Variants in MCF2L observed in about 807,000 individuals in gnomAD.
The protein encoded by MCF2L is MCF.2 cell line derived transforming sequence like, also known as guanine nucleotide exchange factor DBS.
A neutral mutation model predicts 153.4 loss-of-function variants in MCF2L; 97 were observed. The observed-to-expected ratio is 0.63, with a 90% confidence interval of 0.54 to 0.75. The LOEUF (loss-of-function observed/expected upper bound fraction) is 0.75, where lower values mean the gene tolerates loss of function less well. MCF2L is among the 30% of genes least tolerant of loss of function. The probability of loss-of-function intolerance (pLI) is 0.00; values close to 1 mark genes in which losing one functional copy is unlikely to be tolerated. For synonymous variants in MCF2L, 659 were observed against 632.2 expected (o/e 1.04, Z -0.64); for missense variants, 1,347 against 1,495.2 (o/e 0.90, Z 1.64).
intron 12 of MCF2L, 106 bp from the exon 13 acceptor site, chr13:113,076,946 T>C (rs1454120644): frequency 8.0e-7 from 1 of 1,247,674 alleles, no homozygotes; most frequent in Non-Finnish European, 1.1e-6. Flanking sequence ...ATGGAGAACA[T>C]TTAAAGCGGG....
chr13:113,091,243 G>A (rs528434873), intron 26 of MCF2L: 1 of 1,300,502 alleles, frequency 7.7e-7, no homozygotes, highest in Admixed American at 2.3e-5. Context: ...TTGGCAGGAA[G>A]CGCGGCCCAG....
At chr13:112,968,654 A>G (rs2081940562), upstream of MCF2L, 1 of 1,520,628 alleles carries the variant, frequency 6.6e-7, no homozygotes. Flanking sequence ...GCCACACGGA[A>G]GGGGCGCGCT....
intron 1 of MCF2L, chr13:112,985,558 A>G (rs3011542): frequency 0.93 from 412,951 of 443,794 alleles, 193,198 homozygotes; most frequent in Non-Finnish European, 0.98. Flanking sequence ...GTGAGGCAGC[A>G]TGGAGGTGCC....
chr13:113,036,652 C>T (rs1479435188), intron 3 of MCF2L, among the ~76,000 whole-genome samples: 1 of 152,250 alleles, frequency 6.6e-6, no homozygotes, highest in African/African-American at 2.4e-5. Context: ...GTGCGTGTGT[C>T]GCAGGCGACC....
rs1007726331 is a variant in MCF2L at position 113,098,320 on chromosome 13, T to C, written c.*1461T>C. The C allele has an allele frequency of 6.6e-6, 1 of 152,572 alleles. No homozygotes were observed. Among genetic ancestry groups the C allele is most frequent in the Admixed American group, 6.5e-5 (1 of 15,288 alleles). The allele number at this position is 152,572 out of a possible 1,614,324, so 9.5% of individuals were successfully genotyped here. ...AGCTTTTCCTCTGATGTGTAAGTTA[T>C]TTGGAACGCGTGCTGTGTCCCGCGA... On this transcript the variant is annotated 3_prime_UTR_variant, in exon 30 of 30. Transcript: ENST00000535094.
intron 1 of MCF2L, among the ~76,000 whole-genome samples, chr13:112,980,234 G>A (rs549215894): frequency 6.6e-6 from 1 of 152,384 alleles, no homozygotes; most frequent in East Asian, 1.9e-4. Context: ...TCGGCCTGAT[G>A]GAACAGCCTA....
At chr13:113,006,340 G>C (rs772424983) in intron 1 of MCF2L, among the ~76,000 whole-genome samples, 15 of 152,208 alleles carry the variant, frequency 9.9e-5, no homozygotes, top group Non-Finnish European at 1.6e-4. Context: ...AAACAAGGAT[G>C]ATGAGGCTTC....
intron 1 of MCF2L, among the ~76,000 whole-genome samples, chr13:112,979,108 C>T (rs978455837): frequency 3.3e-5 from 5 of 152,258 alleles, no homozygotes; most frequent in Non-Finnish European, 5.9e-5. Context: ...TCGAGGAGCT[C>T]GGCAGCAGAC....
At chr13:113,041,985 T>C (rs1368752597) in intron 3 of MCF2L, among the ~76,000 whole-genome samples, 2 of 152,168 alleles carry the variant, frequency 1.3e-5, no homozygotes, top group Non-Finnish European at 2.9e-5. Flanking sequence ...GAGAGGATCA[T>C]AGCACCAGCC....
At chr13:112,964,822 G>T (rs2081873671), upstream of MCF2L, 1 of 152,218 alleles carries the variant, frequency 6.6e-6, no homozygotes, top group African/African-American at 2.4e-5. Context: ...GAAGGATAAA[G>T]ACCTCTAGGT....
intron 26 of MCF2L, chr13:113,090,711 G>T: frequency 3.0e-6 from 3 of 985,500 alleles, no homozygotes; most frequent in Non-Finnish European, 3.6e-6. Context: ...CTTCTGGGAA[G>T]CCCTGAAGGC....
Position 113,085,094 on chromosome 13 carries a change from G to A in MCF2L, c.2163G>A (p.Gln721=). The change falls in exon 20 of 30, where the codon CAG becomes CAA. Residue 721 remains glutamine, a synonymous_variant. Transcript: ENST00000535094. ...CSDCPFFQEC[Q]RKLDHKLSLD... is the part of the protein sequence containing the mutation. Reference sequence around the variant, plus strand: ...CTCTGGGTTGGTTCCAGGAATGCCAGAGAAAGCTGGACCACAAGCTGAGCC... The same window carrying A: ...CTCTGGGTTGGTTCCAGGAATGCCAAAGAAAGCTGGACCACAAGCTGAGCC... 1 of 1,613,762 alleles carries A rather than the reference G, an allele frequency of 6.2e-7. No homozygotes were observed. Among genetic ancestry groups the A allele is most frequent in the Non-Finnish European group, 8.5e-7 (1 of 1,180,018 alleles).
At chr13:113,034,525 GCCCTCACCCTCA>G (rs1373341738) in intron 3 of MCF2L, among the ~76,000 whole-genome samples, 1 of 152,010 alleles carries the variant, frequency 6.6e-6, no homozygotes, top group Non-Finnish European at 1.5e-5. Flanking sequence ...AGGAGTGAGT[GCCCTCACCCTCA>G]CCCTCACCCT....
chr13:112,996,770 C>T (rs1046965939), intron 1 of MCF2L, among the ~76,000 whole-genome samples: 5 of 152,202 alleles, frequency 3.3e-5, no homozygotes, highest in African/African-American at 1.2e-4. Flanking sequence ...TGGTGCCGCC[C>T]CTCCTCTCTC....
intron 15 of MCF2L, 132 bp downstream of exon 15, chr13:113,078,871 T>A: frequency 2.3e-6 from 2 of 860,484 alleles, no homozygotes; most frequent in Non-Finnish European, 3.6e-6. Context: ...TTCTTACTTT[T>A]GCACCAACCG....
chr13:113,077,330 C>A, intron 13 of MCF2L, 119 bp downstream of exon 13: 2 of 1,167,540 alleles, frequency 1.7e-6, no homozygotes, highest in Non-Finnish European at 2.3e-6. Context: ...CGCCTCCTCC[C>A]CTTCCACCTC....
intron 2 of MCF2L, among the ~76,000 whole-genome samples, chr13:112,940,449 T>C (rs2081564123): frequency 6.6e-6 from 1 of 152,162 alleles, no homozygotes; most frequent in Non-Finnish European, 1.5e-5. Flanking sequence ...TCACTTCCCG[T>C]GGTCGGGTGG....
At chr13:112,944,728 C>T (rs1003581933) in intron 2 of MCF2L, among the ~76,000 whole-genome samples, 2 of 152,118 alleles carry the variant, frequency 1.3e-5, no homozygotes, top group East Asian at 1.9e-4. Flanking sequence ...CCTCGTGATC[C>T]GCCCGCCTCG....
chr13:113,016,136 C>A (rs767608109), intron 2 of MCF2L, among the ~76,000 whole-genome samples: 7 of 152,180 alleles, frequency 4.6e-5, no homozygotes, highest in Non-Finnish European at 7.3e-5. Context: ...AGACGCCAGC[C>A]CAGGAGCTCT....
Sources: gnomAD v4.1 joint callset for allele counts (sites outside exome capture counted in the v4.1 genomes callset) on GRCh38, gnomAD v4.1.1 for gene constraint, MANE v1.5 for transcripts, NCBI Gene and HGNC (gene_info 2026-07-23, HGNC 2026-07-21) for gene names.